Variants in TUBA3D observed in about 807,000 individuals in gnomAD.
TUBA3D encodes tubulin alpha-3D chain.
Under a neutral mutation model 36.1 loss-of-function variants are expected in TUBA3D, and 24 were observed. The ratio of observed to expected loss-of-function variants is 0.66; its 90% CI spans 0.48 to 0.93. The LOEUF is 0.93. Ranked by LOEUF, TUBA3D falls within the 40% of genes least tolerant of loss-of-function variation. The pLI is 0.00. For synonymous variants in TUBA3D, 185 were observed against 247.2 expected (o/e 0.75, Z 2.36); for missense variants, 356 against 614.5 (o/e 0.58, Z 4.45).
chr2:131,482,361 A>G (rs1339271779), intron 4 of TUBA3D, among the ~76,000 whole-genome samples, 191 bp from the exon 5 acceptor site: 1 of 152,176 alleles, frequency 6.6e-6, no homozygotes, highest in African/African-American at 2.4e-5. Context: ...GCTACCTCCA[A>G]GGTTCCTTTC....
intron 4 of TUBA3D, 84 bp downstream of exon 4, chr2:131,480,833 G>C: frequency 6.5e-7 from 1 of 1,547,426 alleles, no homozygotes; most frequent in Non-Finnish European, 8.8e-7. Context: ...ATCCTTTGGG[G>C]AGATTATCCC....
At chr2:131,481,516 A>G (rs747323127) in intron 4 of TUBA3D, among the ~76,000 whole-genome samples, 11 of 147,386 alleles carry the variant, frequency 7.5e-5, no homozygotes, top group South Asian at 6.5e-4. Flanking sequence ...ACTCACTGCA[A>G]CCTCCACCTC....
Position 131,482,857 on chromosome 2 carries a change from T to C in TUBA3D, c.*9T>C, listed in dbSNP as rs1229403951. ...AAGGCGAAGAATACTGAGGGGAGGGTGTGGTGGGTTCTCCCCTGCCACCCC... is the reference window on the plus strand; with the variant it reads ...AAGGCGAAGAATACTGAGGGGAGGGCGTGGTGGGTTCTCCCCTGCCACCCC... On this transcript the variant is annotated 3_prime_UTR_variant, in exon 5 of 5. Coordinates refer to ENST00000321253, the MANE Select transcript of TUBA3D (RefSeq NM_080386.4). 6.2e-7 allele frequency: 1 copy of C among 1,609,996 alleles called. No individual in the cohort carries two copies. Among genetic ancestry groups the C allele is most frequent in the East Asian group, 2.2e-5 (1 of 44,738 alleles).
chr2:131,480,674 C>T lies in TUBA3D; in HGVS notation c.981C>T (p.Asp327=), dbSNP rs778776424. ...MLYRGDVVPK[D]VNAAIATIKT... is the part of the protein sequence containing the mutation. ...ACAGGGGGGACGTGGTCCCCAAAGA[C>T]GTCAACGCGGCCATCGCCACCATCA... Residue 327 remains aspartate (D), a synonymous_variant, in exon 4 of 5, where the codon GAC becomes GAT. Transcript: ENST00000321253. 23 of 1,613,758 alleles carry T rather than the reference C, an allele frequency of 1.4e-5. No individual in the cohort carries two copies. The highest frequency in any genetic ancestry group is 8.9e-5 in the East Asian group (4 of 44,896).
In TUBA3D at chr2:131,482,778, T is replaced by C; in HGVS notation, c.1283T>C (p.Leu428Pro). The change falls in exon 5 of 5, where the codon CTA becomes CCA. Residue 428 changes from leucine to proline, a missense_variant. By Grantham distance (98) the Leu-to-Pro change is moderately conservative. This residue lies in a region of TUBA3D where 156 missense variants were observed against 219.8 expected (regional missense o/e 0.71). Coordinates refer to ENST00000321253, the MANE Select transcript of TUBA3D (RefSeq NM_080386.4). ...GAGGCCCGCGAGGACCTGGCAGCTC[T>C]AGAGAAGGATTATGAAGAGGTGGGC... ...FSEAREDLAA[L>P]EKDYEEVGVD... 1.2e-6 allele frequency: 2 copies of C among 1,614,126 alleles called. No homozygotes were observed. The highest frequency in any genetic ancestry group is 1.7e-6 in the Non-Finnish European group (2 of 1,180,012).
intron 4 of TUBA3D, among the ~76,000 whole-genome samples, chr2:131,481,435 ATTT>A (rs70994779): frequency 0.01 from 1,297 of 129,228 alleles, 18 homozygotes; most frequent in African/African-American, 0.037. Context: ...TGCCCGGGTA[ATTT>A]TTTTTTTTTT....
At position 131,482,665 on chromosome 2, in the gene TUBA3D, C is replaced by T; in HGVS notation, c.1170C>T (p.Arg390=). 1 of 1,614,170 alleles carries T rather than the reference C, an allele frequency of 6.2e-7. No homozygotes were observed. The highest frequency in any genetic ancestry group is 8.5e-7 in the Non-Finnish European group (1 of 1,180,038). The change falls in exon 5 of 5, where the codon CGC becomes CGT. Residue 390 remains arginine, a synonymous_variant. Transcript: ENST00000321253. Reference sequence around the variant, plus strand: ...CGGCCATTGCGGAGGCCTGGGCCCGCCTGGACCATAAGTTCGATCTCATGT... The same window carrying T: ...CGGCCATTGCGGAGGCCTGGGCCCGTCTGGACCATAAGTTCGATCTCATGT... ...NTTAIAEAWA[R]LDHKFDLMYA...
rs546664513 is a variant in TUBA3D, at chr2:131,479,391, G to A, written c.310G>A (p.Ala104Thr). 9 of 1,614,128 alleles carry A rather than the reference G, an allele frequency of 5.6e-6. No individual in the cohort carries two copies. The South Asian group carries it at 7.7e-5, about 14-fold the overall frequency. ...GAAGGAAGATGCAGCCAATAATTAC[G>A]CCAGGGGCCATTACACCATCGGCAA... ...TGKEDAANNY[A>T]RGHYTIGKEI... Residue 104 changes from alanine to threonine, a missense_variant, in exon 3 of 5, where the codon GCC becomes ACC. Physicochemically the swap from Ala to Thr is moderately conservative, Grantham distance 58. Around this residue, in one of 3 missense-constraint regions of TUBA3D, gnomAD observed 109 missense variants for 153.7 expected, o/e 0.71. Coordinates refer to ENST00000321253, the MANE Select transcript of TUBA3D (RefSeq NM_080386.4).
At chr2:131,479,939 C>T (rs1436782589) in intron 3 of TUBA3D, 130 bp from the exon 4 acceptor site, 20 of 1,342,426 alleles carry the variant, frequency 1.5e-5, no homozygotes, top group South Asian at 1.4e-4. Context: ...TCAAAGTGTA[C>T]TGCATGTTTA....
intron 4 of TUBA3D, among the ~76,000 whole-genome samples, chr2:131,481,647 C>G (rs1191773896): frequency 1.3e-5 from 2 of 151,876 alleles, no homozygotes; most frequent in South Asian, 4.2e-4. Context: ...GTTGGCCAGG[C>G]TGGTCTCGAA....
rs554719635 is a variant in TUBA3D at position 131,480,560 on chromosome 2, C to T, written c.867C>T (p.Ala289=). 1.8e-3 allele frequency: 2,822 copies of T among 1,609,672 alleles called. 28 individuals carry two copies. Among genetic ancestry groups the T allele is most frequent in the East Asian group, 3.4e-3 (154 of 44,848 alleles). ...EKAYHEQLSV[A]EITNACFEPA... is the part of the protein sequence containing the mutation. ...CCTACCACGAGCAGCTGTCTGTGGC[C>T]GAGATCACCAATGCCTGCTTCGAGC... is the stretch of plus-strand genomic sequence containing the variant. The change falls in exon 4 of 5, where the codon GCC becomes GCT. Residue 289 remains alanine (A), a synonymous_variant. Coordinates refer to ENST00000321253, the MANE Select transcript of TUBA3D (RefSeq NM_080386.4).
intron 4 of TUBA3D, among the ~76,000 whole-genome samples, chr2:131,481,210 T>C (rs753119083): frequency 1.3e-5 from 2 of 152,028 alleles, no homozygotes; most frequent in Non-Finnish European, 2.9e-5. Context: ...AGCTCAGTGA[T>C]GTCTTTTGAA....
chr2:131,476,352 T>A (rs1423096908), intron 1 of TUBA3D, 150 bp downstream of exon 1: 1 of 1,431,280 alleles, frequency 7.0e-7, no homozygotes, highest in African/African-American at 1.5e-5. Flanking sequence ...CACGGGATCG[T>A]TTCCTGGATC....
chr2:131,476,222 C>T lies in TUBA3D; in HGVS notation c.3+20C>T, dbSNP rs780786554. On this transcript the variant is annotated intron_variant, in intron 1 of 4. Coordinates refer to ENST00000321253, the MANE Select transcript of TUBA3D (RefSeq NM_080386.4). ...GCCATGGTAAGGCCCGGGTCACTCC[C>T]GCCCCGCAGATGCCCAGGCAGACGA... 6.2e-6 allele frequency: 10 copies of T among 1,613,800 alleles called. No homozygotes were observed. In the African/African-American group the frequency reaches 6.7e-5, roughly 11 times the overall value.
chr2:131,480,312 G>T lies in TUBA3D; in HGVS notation c.619G>T (p.Glu207Ter), dbSNP rs1678814662. 5.0e-6 allele frequency: 8 copies of T among 1,613,154 alleles called. No homozygotes were observed. Among genetic ancestry groups the T allele is most frequent in the Admixed American group, 1.7e-5 (1 of 59,980 alleles). Reference protein sequence around the residue: ...HSDCAFMVDNEAIYDICRRNL... With the variant: ...HSDCAFMVDN Reference sequence around the variant, plus strand: ...TGACTGTGCCTTCATGGTCGACAATGAAGCCATCTATGACATATGTCGGCG... The same window carrying T: ...TGACTGTGCCTTCATGGTCGACAATTAAGCCATCTATGACATATGTCGGCG... Residue 207 changes from glutamate (E) to a stop codon, truncating the protein, a stop_gained, in exon 4 of 5, where the codon GAA (glutamate) becomes TAA (stop). Coordinates refer to ENST00000321253, the MANE Select transcript of TUBA3D (RefSeq NM_080386.4). LOFTEE classifies it high-confidence loss of function.
intron 1 of TUBA3D, among the ~76,000 whole-genome samples, chr2:131,477,023 C>CTT (rs1337723134): frequency 2.2e-5 from 3 of 134,138 alleles, no homozygotes; most frequent in Admixed American, 7.0e-5. Flanking sequence ...CCTTTTTTTC[C>CTT]TTTCTTTTTC....
intron 3 of TUBA3D, among the ~76,000 whole-genome samples, chr2:131,479,839 C>A (rs1678792913): frequency 6.8e-6 from 1 of 147,384 alleles, no homozygotes; most frequent in South Asian, 2.1e-4. Flanking sequence ...GATTCCGTCT[C>A]AAACAAACAA....
chr2:131,479,184 CTA>C, intron 2 of TUBA3D, 122 bp from the exon 3 acceptor site: 1 of 1,431,258 alleles, frequency 7.0e-7, no homozygotes, highest in African/African-American at 1.4e-5. Context: ...CACTGTTGAC[CTA>C]TGACATGTAG....
chr2:131,478,453 T>G, intron 2 of TUBA3D, 67 bp downstream of exon 2: 3 of 1,410,378 alleles, frequency 2.1e-6, no homozygotes, highest in Middle Eastern at 2.4e-4. Flanking sequence ...AAGCCCCGTG[T>G]GGGCTCCTTT....
Sources: gnomAD v4.1 joint callset for allele counts (sites outside exome capture counted in the v4.1 genomes callset) on GRCh38, gnomAD v4.1.1 for gene constraint, gnomAD v4.1.1 regional missense constraint, MANE v1.5 for transcripts, NCBI Gene and HGNC (gene_info 2026-07-23, HGNC 2026-07-21) for gene names.